CDC25C: variants seen among roughly 807,000 people sequenced by gnomAD.
CDC25C encodes the protein cell division cycle 25C.
In CDC25C, 48 loss-of-function variants were observed where a neutral mutation model predicts 52.5. That is an observed-to-expected ratio of 0.91 (90% CI 0.72 to 1.16). CDC25C has a LOEUF of 1.16. CDC25C is among the 50% of genes most tolerant of loss of function. The pLI is 0.00. For missense variants in CDC25C, 510 were observed against 566.1 expected (o/e 0.90, Z 1.01); for synonymous variants, 187 against 206.5 (o/e 0.91, Z 0.81).
At chr5:138,331,503 C>A in intron 1 of CDC25C, 92 bp downstream of exon 1, 1 of 986,316 alleles carries the variant, frequency 1.0e-6, no homozygotes, top group Non-Finnish European at 1.3e-6. Context: ...CCCATTCGGC[C>A]CTCCCAACCT....
intron 7 of CDC25C, among the ~76,000 whole-genome samples, chr5:138,318,475 A>AGCCTGAGGTGGGTAGATC (rs1484063451): frequency 1.3e-5 from 2 of 152,150 alleles, no homozygotes; most frequent in Non-Finnish European, 2.9e-5. Flanking sequence ...GCACTTTGGA[A>AGCCTGAGGTGGGTAGATC]GCCTGAGGTG....
intron 4 of CDC25C, among the ~76,000 whole-genome samples, chr5:138,327,340 G>A (rs1352469559): frequency 7.9e-6 from 1 of 127,204 alleles, no homozygotes; most frequent in African/African-American, 2.9e-5. Flanking sequence ...TTCAAGCTGG[G>A]CCCAGTGACT....
At chr5:138,290,487 G>GCTTAGGGCCT (rs1351507978) in intron 9 of CDC25C, 152 bp downstream of exon 9, 1 of 580,862 alleles carries the variant, frequency 1.7e-6, no homozygotes, top group Middle Eastern at 2.7e-4. Flanking sequence ...CTCTGGAAAG[G>GCTTAGGGCCT]CTTAGGGCCT....
rs1756130898 is a variant in CDC25C at position 138,285,500 on chromosome 5, G to T, written c.*192C>A. 1 of 626,240 alleles carries T rather than the reference G, an allele frequency of 1.6e-6. No individual in the cohort carries two copies. Among genetic ancestry groups the T allele is most frequent in the Non-Finnish European group, 2.8e-6 (1 of 353,806 alleles). 38.8% of individuals were successfully genotyped at this position (626,240 alleles called of 1,614,324 possible). A position where few individuals can be genotyped will look rare whatever the true frequency, so the allele number is the denominator to read the frequency against. ...AGGCTGCCTTATAGAGCCAGCTCCA[G>T]GACTCTGCCACCAGCTTTCAGCTCT... On this transcript the variant is annotated 3_prime_UTR_variant, in exon 14 of 14. Transcript: ENST00000323760.
At chr5:138,305,904 G>A (rs1187924631) in intron 7 of CDC25C, among the ~76,000 whole-genome samples, 3 of 152,140 alleles carry the variant, frequency 2.0e-5, no homozygotes, top group Non-Finnish European at 4.4e-5. Flanking sequence ...AGCTCAAAAA[G>A]CAAAGGGTTG....
At chr5:138,322,599 C>A (rs1759519807) in intron 6 of CDC25C, among the ~76,000 whole-genome samples, 1 of 150,604 alleles carries the variant, frequency 6.6e-6, no homozygotes, top group Non-Finnish European at 1.5e-5. Context: ...CCTCAGCCTC[C>A]AGAGTAGCTG....
chr5:138,289,404 C>T, intron 10 of CDC25C, 97 bp downstream of exon 10: 2 of 859,576 alleles, frequency 2.3e-6, no homozygotes, highest in Admixed American at 1.9e-5. Context: ...TGAGTGAACA[C>T]AGTGAAAGAA....
At chr5:138,319,402 A>G (rs1439704779) in intron 6 of CDC25C, 28 bp from the exon 7 acceptor site, 1 of 1,559,218 alleles carries the variant, frequency 6.4e-7, no homozygotes, top group South Asian at 1.2e-5. Flanking sequence ...AACATTAAAA[A>G]CTATTCAAAA....
At chr5:138,291,931 T>A in intron 8 of CDC25C, 39 bp downstream of exon 8, 1 of 1,566,406 alleles carries the variant, frequency 6.4e-7, no homozygotes, top group Non-Finnish European at 8.7e-7. Context: ...AGACATGAGA[T>A]AGAAGATGAA....
rs531353746 is a variant in CDC25C at position 138,321,750 on chromosome 5, C to CAAAA, written c.460-2380_460-2377dup. 6.6e-4 allele frequency among the ~76,000 whole-genome samples: 31 copies of CAAAA among 47,196 alleles called. 2 individuals are homozygous for CAAAA. Among genetic ancestry groups the CAAAA allele is most frequent in the African/African-American group, 2.0e-3 (15 of 7,654 alleles). 31.0% of individuals were successfully genotyped at this position (47,196 alleles called of 152,430 possible). ...CTGGTGACAGAGCAAGACTCTGTCTCAAAAAAAAAAAAAAAAAAAAAAAAA... is the reference window on the plus strand; with the variant it reads ...CTGGTGACAGAGCAAGACTCTGTCTCAAAAAAAAAAAAAAAAAAAAAAAAAAAAA... On this transcript the variant is annotated intron_variant, in intron 6 of 13. Coordinates refer to ENST00000323760, the MANE Select transcript of CDC25C (RefSeq NM_001790.5).
intron 7 of CDC25C, among the ~76,000 whole-genome samples, chr5:138,293,415 C>A (rs1427037966): frequency 6.6e-6 from 1 of 152,084 alleles, no homozygotes; most frequent in Non-Finnish European, 1.5e-5. Context: ...GCCAGTGATG[C>A]ATGAATGGAT....
intron 11 of CDC25C, 53 bp downstream of exon 11, chr5:138,287,116 A>G: frequency 8.1e-7 from 1 of 1,231,734 alleles, no homozygotes; most frequent in Non-Finnish European, 1.2e-6. Context: ...GACTCTTCTC[A>G]ATAAAGAGTT....
At chr5:138,300,381 T>C (rs746523304) in intron 7 of CDC25C, among the ~76,000 whole-genome samples, 15 of 152,078 alleles carry the variant, frequency 9.9e-5, no homozygotes, top group Non-Finnish European at 1.6e-4. Context: ...CTGGGCAACA[T>C]GGTAAAACGC....
chr5:138,289,682 A>T (rs1430339964), intron 9 of CDC25C, 119 bp from the exon 10 acceptor site: 18 of 715,404 alleles, frequency 2.5e-5, no homozygotes, highest in Admixed American at 1.1e-4. Flanking sequence ...CCTTCAAAAA[A>T]ATCAGTGTCT....
chr5:138,286,707 C>T (rs1030878544), intron 11 of CDC25C, 77 bp from the exon 12 acceptor site: 3 of 1,350,954 alleles, frequency 2.2e-6, no homozygotes, highest in African/African-American at 2.9e-5. Flanking sequence ...GACTGAGACG[C>T]CAACCTGGGA....
intron 7 of CDC25C, among the ~76,000 whole-genome samples, chr5:138,295,367 T>C (rs1463993953): frequency 6.6e-6 from 1 of 152,150 alleles, no homozygotes; most frequent in African/African-American, 2.4e-5. Flanking sequence ...TCCCAACACT[T>C]TGAGAGGCCA....
chr5:138,330,539 ACT>A (rs1414091328), intron 2 of CDC25C, among the ~76,000 whole-genome samples: 3 of 151,962 alleles, frequency 2.0e-5, no homozygotes, highest in African/African-American at 4.8e-5. Context: ...ATAGAGTCTC[ACT>A]CTGTTTCCCA....
At chr5:138,326,746 G>A (rs965050550) in intron 4 of CDC25C, among the ~76,000 whole-genome samples, 2 of 152,076 alleles carry the variant, frequency 1.3e-5, no homozygotes, top group African/African-American at 4.8e-5. Context: ...CTGAGGTTGG[G>A]AGTTCGCAAC....
intron 7 of CDC25C, among the ~76,000 whole-genome samples, chr5:138,292,918 C>T (rs1430535986): frequency 6.6e-6 from 1 of 152,298 alleles, no homozygotes; most frequent in East Asian, 1.9e-4. Context: ...ACCTAGAGAA[C>T]AGGCAAAAGC....
Sources: allele counts gnomAD v4.1 joint callset (sites outside exome capture counted in the v4.1 genomes callset), GRCh38; gene constraint gnomAD v4.1.1; transcripts MANE v1.5; gene names NCBI Gene and HGNC (gene_info 2026-07-23, HGNC 2026-07-21).